Variants in IGDCC3 observed in about 807,000 individuals in gnomAD.
IGDCC3 encodes immunoglobulin superfamily DCC subclass member 3.
IGDCC3 carries 47 observed loss-of-function variants against 72.0 expected under a neutral mutation model. The observed-to-expected ratio is 0.65, with a 90% CI of 0.52 to 0.83. The LOEUF is 0.83. Among genes scored for constraint, IGDCC3 ranks in the 40% least tolerant of loss-of-function variants. The probability of loss-of-function intolerance (pLI) is 0.00; values close to 1 mark genes in which losing one functional copy is unlikely to be tolerated. For missense variants in IGDCC3, 1,038 were observed against 1,091.3 expected, an observed-to-expected ratio of 0.95 and a Z score of 0.69; for synonymous variants, 477 against 472.8, an observed-to-expected ratio of 1.01 and a Z score of -0.11.
chr15:65,355,987 C>A (rs1040656063), intron 2 of IGDCC3: 19 of 268,712 alleles, frequency 7.1e-5, no homozygotes, highest in Non-Finnish European at 1.3e-4. Context: ...GGAAGCTGGG[C>A]GGACACGCGC....
chr15:65,333,181 G>C, intron 6 of IGDCC3, 76 bp downstream of exon 6: 1 of 1,399,464 alleles, frequency 7.1e-7, no homozygotes, highest in Non-Finnish European at 9.5e-7. Context: ...ACAGGGCCCT[G>C]GGGTTGGGCC....
intron 2 of IGDCC3, among the ~76,000 whole-genome samples, chr15:65,372,850 T>C (rs1267115892): frequency 6.6e-6 from 1 of 152,296 alleles, no homozygotes; most frequent in East Asian, 1.9e-4. Context: ...GACATCAGCC[T>C]GTGAAGTGAG....
At chr15:65,333,916 C>G (rs1041024657) in intron 5 of IGDCC3, among the ~76,000 whole-genome samples, 1 of 152,090 alleles carries the variant, frequency 6.6e-6, no homozygotes, top group Non-Finnish European at 1.5e-5. Context: ...CCAGATGGTC[C>G]CTGGAGTGCC....
At chr15:65,332,770 G>A (rs1283264548) in intron 6 of IGDCC3, among the ~76,000 whole-genome samples, 11 of 152,270 alleles carry the variant, frequency 7.2e-5, no homozygotes, top group Non-Finnish European at 1.3e-4. Context: ...GCCGATGGAA[G>A]GACCAGGTTA....
At chr15:65,337,421 G>T (rs2091040392) in intron 2 of IGDCC3, among the ~76,000 whole-genome samples, 1 of 152,080 alleles carries the variant, frequency 6.6e-6, no homozygotes, top group African/African-American at 2.4e-5. Flanking sequence ...GCTGCGGCGG[G>T]TGTGTACCTC....
chr15:65,370,624 A>ATATATGTATGTG (rs1454178508), intron 2 of IGDCC3, among the ~76,000 whole-genome samples: 2 of 96,076 alleles, frequency 2.1e-5, no homozygotes, highest in African/African-American at 8.3e-5. Context: ...GTATGTGTAT[A>ATATATGTATGTG]TATATATATA....
At position 65,334,872 on chromosome 15, in the gene IGDCC3, G is replaced by A. The variant is rs112189384; in HGVS notation, c.686-7C>T. 1,660 of 1,609,572 alleles carry A rather than the reference G, an allele frequency of 1.0e-3. 15 individuals are homozygous for A. The African/African-American group carries it at 0.019, about 19-fold the overall frequency. On this transcript the variant is annotated splice_region_variant and splice_polypyrimidine_tract_variant and intron_variant, in intron 4 of 13. Coordinates refer to ENST00000327987, the MANE Select transcript of IGDCC3 (RefSeq NM_004884.4). ...TAGGCCCCAGAGCCCGAGCCTGGGAGGAAGACGCCACATATCCTCACTTCA... is the reference window on the plus strand; with the variant it reads ...TAGGCCCCAGAGCCCGAGCCTGGGAAGAAGACGCCACATATCCTCACTTCA...
chr15:65,334,989 C>G (rs1286902512), intron 4 of IGDCC3, 124 bp from the exon 5 acceptor site: 2 of 1,167,060 alleles, frequency 1.7e-6, no homozygotes, highest in Non-Finnish European at 1.2e-6. Context: ...GTCCTGTGGG[C>G]AGAGAGATAC....
chr15:65,357,570 G>GGGTC (rs1298692593), intron 2 of IGDCC3, among the ~76,000 whole-genome samples: 1 of 152,096 alleles, frequency 6.6e-6, no homozygotes, highest in East Asian at 1.9e-4. Context: ...ACTTATTGAG[G>GGGTC]GACCAAACGA....
intron 2 of IGDCC3, among the ~76,000 whole-genome samples, chr15:65,359,206 A>T (rs2091245502): frequency 6.6e-6 from 1 of 152,206 alleles, no homozygotes. Flanking sequence ...GAGTATTCTG[A>T]TAGGAACATA....
chr15:65,345,585 C>A (rs1297165441), intron 2 of IGDCC3, among the ~76,000 whole-genome samples: 3 of 151,230 alleles, frequency 2.0e-5, no homozygotes, highest in Non-Finnish European at 2.9e-5. Context: ...CACACGCACA[C>A]ACACGCATGC....
chr15:65,356,443 T>C (rs1244097327), intron 2 of IGDCC3: 1 of 152,120 alleles, frequency 6.6e-6, no homozygotes, highest in African/African-American at 2.4e-5. Flanking sequence ...CGGAGGCCAC[T>C]GTTTTGACCG....
At position 65,339,782 on chromosome 15, in the gene IGDCC3, G is replaced by A. The variant is rs907342962; in HGVS notation, c.410-3826C>T. On this transcript the variant is annotated intron_variant, in intron 2 of 13. Coordinates refer to ENST00000327987, the MANE Select transcript of IGDCC3 (RefSeq NM_004884.4). This position sits in a 1 kb window ranked among gnomAD's most constrained non-coding sequence, Gnocchi z 4.1. Reference sequence around the variant, plus strand: ...GGTATTGTGTCTGTGGCTGGTGCACGTGACAGTGGTGCTGTGACTTTGGCT... The same window carrying A: ...GGTATTGTGTCTGTGGCTGGTGCACATGACAGTGGTGCTGTGACTTTGGCT... Among the ~76,000 whole-genome samples, 2 of 152,244 alleles carry A rather than the reference G, an allele frequency of 1.3e-5. No individual in the cohort carries two copies. Among genetic ancestry groups the A allele is most frequent in the African/African-American group, 2.4e-5 (1 of 41,460 alleles).
At chr15:65,336,109 T>G (rs1595752053) in intron 2 of IGDCC3, among the ~76,000 whole-genome samples, 153 bp from the exon 3 acceptor site, 1 of 152,166 alleles carries the variant, frequency 6.6e-6, no homozygotes, top group African/African-American at 2.4e-5. Context: ...GGGGGACCCA[T>G]CAGCACTTAC....
intron 5 of IGDCC3, 165 bp downstream of exon 5, chr15:65,334,563 G>A: frequency 1.5e-6 from 1 of 670,252 alleles, no homozygotes; most frequent in Non-Finnish European, 2.4e-6. Flanking sequence ...GTCCTTCCAG[G>A]AGAGGGAAAC....
intron 2 of IGDCC3, among the ~76,000 whole-genome samples, chr15:65,355,525 C>CGCGGCGGGCCCCTTCCCG (rs2091210885): frequency 1.3e-5 from 2 of 149,880 alleles, no homozygotes; most frequent in Admixed American, 6.6e-5. Flanking sequence ...GCCCGGAGGA[C>CGCGGCGGGCCCCTTCCCG]GCGGCGGGCC....
At chr15:65,372,346 A>G (rs982494815) in intron 2 of IGDCC3, among the ~76,000 whole-genome samples, 5 of 152,176 alleles carry the variant, frequency 3.3e-5, no homozygotes, top group Non-Finnish European at 5.9e-5. Context: ...AAGCACGTGG[A>G]GCTGCAATGC....
chr15:65,342,520 C>T (rs2091091029), intron 2 of IGDCC3, among the ~76,000 whole-genome samples: 1 of 152,222 alleles, frequency 6.6e-6, no homozygotes, highest in Admixed American at 6.5e-5. Context: ...AGAAGAACTT[C>T]AGTCATCACA....
At chr15:65,340,291 G>A (rs962886759) in intron 2 of IGDCC3, among the ~76,000 whole-genome samples, 1 of 152,112 alleles carries the variant, frequency 6.6e-6, no homozygotes, top group African/African-American at 2.4e-5. Flanking sequence ...AGGGGGAGGT[G>A]GGGGGCAGCA....
Sources: gnomAD v4.1 joint callset for allele counts (sites outside exome capture counted in the v4.1 genomes callset) on GRCh38, gnomAD v4.1.1 for gene constraint, Gnocchi (gnomAD v3.1) non-coding constraint, MANE v1.5 for transcripts, NCBI Gene and HGNC (gene_info 2026-07-23, HGNC 2026-07-21) for gene names.